The following PEX5L variants were observed in gnomAD, a reference collection of about 807,000 sequenced individuals.
PEX5L encodes PEX5-related protein.
PEX5L carries 30 observed loss-of-function variants against 84.0 expected under a neutral mutation model. That is an observed-to-expected ratio of 0.36 (90% CI 0.27 to 0.48). The LOEUF (loss-of-function observed/expected upper bound fraction) is 0.48. Among genes scored for constraint, PEX5L ranks in the 20% least tolerant of loss-of-function variants. PEX5L has a pLI of 0.99. For synonymous variants in PEX5L, 270 were observed against 283.1 expected (o/e 0.95, Z 0.46); for missense variants, 533 against 754.6 (o/e 0.71, Z 3.44).
intron 3 of PEX5L, among the ~76,000 whole-genome samples, 189 bp downstream of exon 3, chr3:179,897,953 A>C (rs1759914279): frequency 6.6e-6 from 1 of 152,158 alleles, no homozygotes; most frequent in African/African-American, 2.4e-5. Context: ...ACAAATAAAT[A>C]ACTAGATGGT....
At chr3:179,861,790 C>A (rs1746241186) in intron 7 of PEX5L, among the ~76,000 whole-genome samples, 1 of 151,532 alleles carries the variant, frequency 6.6e-6, no homozygotes, top group South Asian at 2.1e-4. Flanking sequence ...TTCTTGTACT[C>A]CAGGATTGTG....
chr3:179,917,369 C>T (rs1767583138), intron 2 of PEX5L, among the ~76,000 whole-genome samples: 1 of 151,680 alleles, frequency 6.6e-6, no homozygotes. Flanking sequence ...AAGGAGTATA[C>T]TCTAAAATAA....
chr3:179,841,787 AT>A (rs1577475037), intron 8 of PEX5L, among the ~76,000 whole-genome samples: 1 of 152,284 alleles, frequency 6.6e-6, no homozygotes, highest in East Asian at 1.9e-4. Flanking sequence ...ATGATCAGAG[AT>A]TCCTATTTTG....
At chr3:179,975,499 A>T (rs753077926) in intron 1 of PEX5L, among the ~76,000 whole-genome samples, 1 of 152,248 alleles carries the variant, frequency 6.6e-6, no homozygotes, top group Non-Finnish European at 1.5e-5. Flanking sequence ...AATTAGCCCT[A>T]ACTGCAATTT....
chr3:180,004,689 C>T lies in PEX5L; in HGVS notation c.21+31890G>A, dbSNP rs1268723625. Among the ~76,000 whole-genome samples, 3 of 151,996 alleles carry T rather than the reference C, an allele frequency of 2.0e-5. No homozygotes were observed. The East Asian group carries it at 5.8e-4, about 29-fold the overall frequency. ...AAAAAATGACATCCCTGGGCTCCACCCAAGATATACTGAAGTTAAACCTCT... is the reference window on the plus strand; with the variant it reads ...AAAAAATGACATCCCTGGGCTCCACTCAAGATATACTGAAGTTAAACCTCT... On this transcript the variant is annotated intron_variant, in intron 1 of 14. Transcript: ENST00000467460.
chr3:179,948,287 A>C (rs1578831300), intron 2 of PEX5L, among the ~76,000 whole-genome samples: 1 of 152,228 alleles, frequency 6.6e-6, no homozygotes, highest in Non-Finnish European at 1.5e-5. Context: ...TTCCCCAAAG[A>C]AGCAGCAAAC....
chr3:179,829,880 G>A (rs1248911204), intron 8 of PEX5L, among the ~76,000 whole-genome samples: 1 of 147,486 alleles, frequency 6.8e-6, no homozygotes, highest in Non-Finnish European at 1.5e-5. Context: ...GGGTTCAGGC[G>A]ATTCTCCTGC....
chr3:179,974,877 A>C (rs991822861), intron 1 of PEX5L, among the ~76,000 whole-genome samples: 1 of 152,136 alleles, frequency 6.6e-6, no homozygotes, highest in Non-Finnish European at 1.5e-5. Flanking sequence ...TAATTAAATA[A>C]ACTTGCATTA....
At position 179,865,511 on chromosome 3, in the gene PEX5L, C is replaced by CT. The variant is rs56886685; in HGVS notation, c.727-6355dup. ...AGATCAGCCTTCCTTTCAATGCAAA[C>CT]TTTTTTTTTTTTTTTCATCACAGGC... On this transcript the variant is annotated intron_variant, in intron 7 of 14. Transcript: ENST00000467460. Among the ~76,000 whole-genome samples the CT allele has an allele frequency of 7.4e-3, 1,051 of 141,732 alleles. 11 individuals are homozygous for CT. Among genetic ancestry groups the CT allele is most frequent in the South Asian group, 0.034 (150 of 4,444 alleles). The allele number at this position is 141,732 out of a possible 152,430, so 93.0% of individuals were successfully genotyped here. A position where few individuals can be genotyped will look rare whatever the true frequency, so the allele number is the denominator to read the frequency against.
At chr3:179,866,479 T>G (rs969290746) in intron 7 of PEX5L, among the ~76,000 whole-genome samples, 3 of 152,116 alleles carry the variant, frequency 2.0e-5, no homozygotes, top group Admixed American at 6.5e-5. Flanking sequence ...ACATGTTGAG[T>G]CCCTATAAGG....
chr3:179,976,805 T>C (rs1038664058), intron 1 of PEX5L, among the ~76,000 whole-genome samples: 1 of 152,164 alleles, frequency 6.6e-6, no homozygotes, highest in Non-Finnish European at 1.5e-5. Context: ...ATAGAAAGTA[T>C]AGGGAAAGAA....
At chr3:179,974,630 C>T (rs1285171491) in intron 1 of PEX5L, among the ~76,000 whole-genome samples, 2 of 152,184 alleles carry the variant, frequency 1.3e-5, no homozygotes, top group Non-Finnish European at 2.9e-5. Context: ...CCTATCTTTC[C>T]ACACCATTCT....
intron 1 of PEX5L, among the ~76,000 whole-genome samples, chr3:180,000,175 G>A (rs1788266202): frequency 6.6e-6 from 1 of 152,118 alleles, no homozygotes; most frequent in Non-Finnish European, 1.5e-5. Flanking sequence ...GCCACCAGGA[G>A]ACACACAATT....
rs182449910 is a variant in PEX5L at position 179,838,677 on chromosome 3, A to G, written c.823-18701T>C. Among the ~76,000 whole-genome samples the G allele has an allele frequency of 1.4e-3, 215 of 152,314 alleles. 1 individual carries two copies. The highest frequency in any genetic ancestry group is 4.9e-3 in the African/African-American group (204 of 41,570). On this transcript the variant is annotated intron_variant, in intron 8 of 14. Coordinates refer to ENST00000467460, the MANE Select transcript of PEX5L (RefSeq NM_016559.3). ...AGAATTATTTTGAAGATTAAGTAAG[A>G]TAGAAAATGTGTGTGCAAAACAGTA...
intron 2 of PEX5L, among the ~76,000 whole-genome samples, chr3:179,965,661 T>G (rs751281130): frequency 3.9e-5 from 6 of 152,196 alleles, no homozygotes; most frequent in African/African-American, 7.2e-5. Flanking sequence ...TTTGTGTTTT[T>G]CCTAGAGTCC....
intron 1 of PEX5L, among the ~76,000 whole-genome samples, chr3:179,983,741 T>C (rs1247775320): frequency 1.3e-5 from 2 of 152,028 alleles, no homozygotes; most frequent in South Asian, 2.1e-4. Flanking sequence ...CAACCAATAA[T>C]GTTTGTTGCC....
chr3:179,811,907 A>G, intron 10 of PEX5L, 36 bp from the exon 11 acceptor site: 2 of 1,531,846 alleles, frequency 1.3e-6, no homozygotes, highest in South Asian at 2.2e-5. Context: ...TTGCAAGATG[A>G]AGCAGAATTA....
chr3:179,888,880 T>G (rs1578082260), intron 3 of PEX5L, among the ~76,000 whole-genome samples: 1 of 152,192 alleles, frequency 6.6e-6, no homozygotes, highest in South Asian at 2.1e-4. Flanking sequence ...TCCTCGCATC[T>G]CAGTATCCCA....
At chr3:179,876,165 A>G (rs1223831866) in intron 5 of PEX5L, among the ~76,000 whole-genome samples, 3 of 152,088 alleles carry the variant, frequency 2.0e-5, no homozygotes, top group Admixed American at 2.0e-4. Flanking sequence ...TGAATAAACC[A>G]CTGAAACAAT....
Sources: allele counts gnomAD v4.1 joint callset (sites outside exome capture counted in the v4.1 genomes callset), GRCh38; gene constraint gnomAD v4.1.1; transcripts MANE v1.5; gene names NCBI Gene and HGNC (gene_info 2026-07-23, HGNC 2026-07-21).